CPHXL2: variants seen among roughly 807,000 people sequenced by gnomAD.
CPHXL2 encodes the protein cytoplasmic polyadenylated homeobox like 2, also known as cytoplasmic polyadenylated homeobox-like protein 2.
At chr16:75,671,098 A>G in the CPHXL2 span, among the ~76,000 whole-genome samples, 1 of 152,112 alleles carries the variant, frequency 6.6e-6, no homozygotes, top group South Asian at 2.1e-4. Context: ...AAATGGAAAA[A>G]CAGGCTGTGT....
chr16:75,669,330 A>G, the CPHXL2 span: 1 of 399,710 alleles, frequency 2.5e-6, no homozygotes, highest in African/African-American at 2.1e-5. Flanking sequence ...AAAAAAAAAA[A>G]TCTAAGAAAC....
At chr16:75,661,368 T>C in the CPHXL2 span, 1 of 397,264 alleles carries the variant, frequency 2.5e-6, no homozygotes, top group Non-Finnish European at 4.4e-6. Flanking sequence ...AGTCCCTGAC[T>C]TGCCTTCAGA....
the CPHXL2 span, among the ~76,000 whole-genome samples, chr16:75,663,334 T>C: frequency 6.6e-6 from 1 of 152,146 alleles, no homozygotes; most frequent in Non-Finnish European, 1.5e-5. Flanking sequence ...ATTACACATA[T>C]TTTAGAGAAA....
At chr16:75,665,615 C>T in the CPHXL2 span, among the ~76,000 whole-genome samples, 1 of 152,176 alleles carries the variant, frequency 6.6e-6, no homozygotes, top group Non-Finnish European at 1.5e-5. Flanking sequence ...GTAATCCCAG[C>T]ACTTTGGGAG....
the CPHXL2 span, among the ~76,000 whole-genome samples, chr16:75,666,560 A>G: frequency 1.4e-5 from 2 of 146,490 alleles, no homozygotes; most frequent in African/African-American, 5.0e-5. Flanking sequence ...GTGAGCTGAG[A>G]TAGTGCCATT....
At chr16:75,662,267 C>A in the CPHXL2 span, among the ~76,000 whole-genome samples, 21,531 of 151,252 alleles carry the variant, frequency 0.14, 3,113 homozygotes, top group East Asian at 0.72. Context: ...CCTCCAGGAA[C>A]TTCCACATGT....
At chr16:75,669,077 G>A in the CPHXL2 span, among the ~76,000 whole-genome samples, 2 of 152,148 alleles carry the variant, frequency 1.3e-5, no homozygotes, top group Non-Finnish European at 2.9e-5. Context: ...CACTTTGGGA[G>A]GCCGAGATGG....
the CPHXL2 span, chr16:75,669,518 G>T: frequency 3.0e-5 from 12 of 398,810 alleles, no homozygotes; most frequent in Non-Finnish European, 5.3e-5. Flanking sequence ...TTCTTTGTTT[G>T]TCTTTCTTCA....
chr16:75,661,060 GTCT>G, the CPHXL2 span: 1 of 400,808 alleles, frequency 2.5e-6, no homozygotes, highest in Non-Finnish European at 4.4e-6. Context: ...GAGCAACCAG[GTCT>G]TCTCATCAGA....
chr16:75,674,119 A>G, the CPHXL2 span, among the ~76,000 whole-genome samples: 1 of 151,832 alleles, frequency 6.6e-6, no homozygotes, highest in South Asian at 2.1e-4. Flanking sequence ...CACACCTGTA[A>G]TCCCAGCACT....
At chr16:75,668,231 A>AT in the CPHXL2 span, among the ~76,000 whole-genome samples, 103 of 74,458 alleles carry the variant, frequency 1.4e-3, no homozygotes, top group Non-Finnish European at 2.1e-3. Flanking sequence ...ATACATATAT[A>AT]TTTTTTTTTT....
chr16:75,669,012 C>T, the CPHXL2 span, among the ~76,000 whole-genome samples: 2 of 152,062 alleles, frequency 1.3e-5, no homozygotes, highest in Non-Finnish European at 1.5e-5. Flanking sequence ...ATACTTATTG[C>T]CCTTTAATTT....
At chr16:75,662,227 G>A in the CPHXL2 span, among the ~76,000 whole-genome samples, 5 of 151,952 alleles carry the variant, frequency 3.3e-5, no homozygotes, top group Admixed American at 3.3e-4. Flanking sequence ...AAGGGGTGCA[G>A]AGCTTTCATG....
the CPHXL2 span, among the ~76,000 whole-genome samples, chr16:75,661,610 A>C: frequency 6.6e-6 from 1 of 151,960 alleles, no homozygotes; most frequent in African/African-American, 2.4e-5. Context: ...AGAGGCTCCC[A>C]GCTGTCCCAC....
At chr16:75,668,892 C>A in the CPHXL2 span, among the ~76,000 whole-genome samples, 1 of 152,070 alleles carries the variant, frequency 6.6e-6, no homozygotes, top group African/African-American at 2.4e-5. Flanking sequence ...GCATGTGGAA[C>A]CAGTGGATGT....
the CPHXL2 span, among the ~76,000 whole-genome samples, chr16:75,674,372 C>CAAAA: frequency 1.4e-3 from 73 of 52,948 alleles, no homozygotes; most frequent in East Asian, 2.3e-3. Context: ...GACTCCGTCT[C>CAAAA]AAAAAAAAAA....
the CPHXL2 span, among the ~76,000 whole-genome samples, chr16:75,673,698 A>G: frequency 2.0e-5 from 3 of 151,984 alleles, no homozygotes; most frequent in African/African-American, 7.2e-5. Context: ...AGATTAGAAC[A>G]TCCTACCTGT....
chr16:75,660,868 G>C, the CPHXL2 span: 3 of 398,514 alleles, frequency 7.5e-6, no homozygotes, highest in African/African-American at 4.1e-5. Flanking sequence ...GCATAGCCTG[G>C]ATGCTTTTCA....
chr16:75,675,407 C>A, the CPHXL2 span, among the ~76,000 whole-genome samples: 3 of 151,762 alleles, frequency 2.0e-5, no homozygotes, highest in African/African-American at 7.3e-5. Context: ...TAGAAATAAG[C>A]CCTCACATTT....
Sources: gnomAD v4.1 joint callset for allele counts (sites outside exome capture counted in the v4.1 genomes callset) on GRCh38, gnomAD v4.1.1 for gene constraint, MANE v1.5 for transcripts, NCBI Gene and HGNC (gene_info 2026-07-23, HGNC 2026-07-21) for gene names.